Variants in WWOX observed in about 807,000 individuals in gnomAD.
WWOX encodes the protein WW domain-containing oxidoreductase.
In WWOX, 69 loss-of-function variants were observed where a neutral mutation model predicts 46.2. The ratio of observed to expected loss-of-function variants is 1.49; its 90% CI spans 1.23 to 1.82. The LOEUF is 1.82. WWOX is among the 40% of genes most tolerant of loss of function. WWOX has a pLI of 0.00. For missense variants in WWOX, 919 were observed against 542.6 expected, an observed-to-expected ratio of 1.69 and a Z score of -6.89; for synonymous variants, 359 against 202.6, an observed-to-expected ratio of 1.77 and a Z score of -6.56.
At chr16:78,918,958 G>C (rs1347976149) in intron 8 of WWOX, among the ~76,000 whole-genome samples, 2 of 152,086 alleles carry the variant, frequency 1.3e-5, no homozygotes, top group Admixed American at 6.6e-5. Flanking sequence ...GTACCTTTCT[G>C]ATTGGACCCA....
intron 8 of WWOX, among the ~76,000 whole-genome samples, chr16:78,734,620 A>G (rs1205951404): frequency 3.3e-5 from 5 of 152,010 alleles, no homozygotes; most frequent in African/African-American, 1.2e-4. Context: ...ATTAGGTCCC[A>G]GTCACAGGGT....
At chr16:79,000,212 A>G (rs981591127) in intron 8 of WWOX, among the ~76,000 whole-genome samples, 1 of 152,160 alleles carries the variant, frequency 6.6e-6, no homozygotes, top group Non-Finnish European at 1.5e-5. Context: ...CGTCATTGGC[A>G]GCTCATCTCA....
chr16:79,123,661 T>G (rs2049688026), intron 8 of WWOX, among the ~76,000 whole-genome samples: 1 of 152,088 alleles, frequency 6.6e-6, no homozygotes, highest in African/African-American at 2.4e-5. Context: ...CCTATTTCTT[T>G]CTCACCCACA....
chr16:78,180,386 G>A (rs1005724659), intron 5 of WWOX, among the ~76,000 whole-genome samples: 1 of 151,918 alleles, frequency 6.6e-6, no homozygotes, highest in African/African-American at 2.4e-5. Flanking sequence ...AGAGTTGGGG[G>A]CATATGTTAG....
At chr16:78,547,432 C>G (rs2044067585) in intron 8 of WWOX, among the ~76,000 whole-genome samples, 1 of 152,106 alleles carries the variant, frequency 6.6e-6, no homozygotes, top group African/African-American at 2.4e-5. Flanking sequence ...TTCAATGACC[C>G]TGTGGTGAAG....
chr16:78,162,362 G>C (rs555239989), intron 4 of WWOX, among the ~76,000 whole-genome samples: 2 of 151,968 alleles, frequency 1.3e-5, no homozygotes, highest in Non-Finnish European at 2.9e-5. Flanking sequence ...GTTTTACTCT[G>C]ATGTGCCTTG....
At chr16:79,051,936 T>C (rs1276625843) in intron 8 of WWOX, among the ~76,000 whole-genome samples, 2 of 152,262 alleles carry the variant, frequency 1.3e-5, no homozygotes, top group East Asian at 3.8e-4. Context: ...CTGTTCCTCT[T>C]CCTTATTTGA....
intron 5 of WWOX, among the ~76,000 whole-genome samples, chr16:78,221,633 C>T (rs1157774832): frequency 1.3e-5 from 2 of 152,168 alleles, no homozygotes; most frequent in Non-Finnish European, 2.9e-5. Flanking sequence ...TAGCCTTCCT[C>T]ATATTTTGGT....
At chr16:79,195,086 G>A (rs955386844) in intron 8 of WWOX, among the ~76,000 whole-genome samples, 1 of 152,144 alleles carries the variant, frequency 6.6e-6, no homozygotes, top group African/African-American at 2.4e-5. Context: ...TAAAGTGTGA[G>A]CATACCCGTA....
chr16:79,025,517 C>T (rs2047620180), intron 8 of WWOX, among the ~76,000 whole-genome samples: 1 of 151,968 alleles, frequency 6.6e-6, no homozygotes, highest in South Asian at 2.1e-4. Flanking sequence ...GAGTGATTCC[C>T]CCACAAGCCA....
chr16:78,868,274 C>T (rs936503437), intron 8 of WWOX, among the ~76,000 whole-genome samples: 5 of 152,040 alleles, frequency 3.3e-5, no homozygotes, highest in African/African-American at 9.7e-5. Flanking sequence ...GGAAGCCGGT[C>T]ATAAAAGACC....
chr16:78,782,639 T>C (rs2050358376), intron 8 of WWOX, among the ~76,000 whole-genome samples: 1 of 151,944 alleles, frequency 6.6e-6, no homozygotes, highest in Non-Finnish European at 1.5e-5. Flanking sequence ...TTTACCTTTC[T>C]TTCTTTCCGG....
At chr16:78,120,178 A>G (rs573094553) in intron 4 of WWOX, among the ~76,000 whole-genome samples, 3 of 152,184 alleles carry the variant, frequency 2.0e-5, no homozygotes, top group South Asian at 2.1e-4. Flanking sequence ...ATATATATGC[A>G]TACTTACATA....
rs1248429669 is a variant in WWOX at position 78,387,036 on chromosome 16, C to G, written c.605+88C>G. On this transcript the variant is annotated intron_variant, in intron 6 of 8. Coordinates refer to ENST00000566780, the MANE Select transcript of WWOX (RefSeq NM_016373.4). ...TGAACACAATTGGGAGAATGCAAGG[C>G]TGTTGTGTTGTCTTGGCGTCCAAAC... 10 of 1,368,912 alleles carry G rather than the reference C, an allele frequency of 7.3e-6. No individual in the cohort carries two copies. The East Asian group carries it at 2.3e-4, about 31-fold the overall frequency. 84.8% of individuals were successfully genotyped at this position (1,368,912 alleles called of 1,614,324 possible).
chr16:78,191,554 C>A (rs2035884515), intron 5 of WWOX, among the ~76,000 whole-genome samples: 1 of 152,172 alleles, frequency 6.6e-6, no homozygotes, highest in Non-Finnish European at 1.5e-5. Context: ...TATATAGCAT[C>A]CCGTGTGAAT....
rs1180439369 is a variant in WWOX, at chr16:78,560,527, C to T, written c.1056+127775C>T. Among the ~76,000 whole-genome samples the T allele has an allele frequency of 2.0e-5, 3 of 152,052 alleles. No homozygotes were observed. The East Asian group carries it at 5.8e-4, about 29-fold the overall frequency. On this transcript the variant is annotated intron_variant, in intron 8 of 8. Transcript: ENST00000566780. ...GGTGTGGCGGTGCATGCCTGTAATC[C>T]CAGCTACTTGGGAGGCTGAGGCAGG...
intron 8 of WWOX, chr16:79,017,556 A>T (rs1189428854): frequency 6.6e-6 from 1 of 150,660 alleles, no homozygotes; most frequent in African/African-American, 2.4e-5. Context: ...TGCAGGCCCT[A>T]TGACGTCTGT....
At chr16:78,365,237 T>A (rs964029707) in intron 5 of WWOX, among the ~76,000 whole-genome samples, 1 of 152,194 alleles carries the variant, frequency 6.6e-6, no homozygotes, top group African/African-American at 2.4e-5. Flanking sequence ...TGTCACCTTC[T>A]GACATTATCA....
intron 8 of WWOX, among the ~76,000 whole-genome samples, chr16:78,539,466 T>G (rs757948673): frequency 3.9e-5 from 6 of 152,240 alleles, no homozygotes; most frequent in Non-Finnish European, 7.3e-5. Flanking sequence ...TCTCTTCCAG[T>G]AAGCAATTCT....
Sources: allele counts gnomAD v4.1 joint callset (sites outside exome capture counted in the v4.1 genomes callset), GRCh38; gene constraint gnomAD v4.1.1; transcripts MANE v1.5; gene names NCBI Gene and HGNC (gene_info 2026-07-23, HGNC 2026-07-21).